Variants in ANKS1B observed in about 807,000 individuals in gnomAD.
The protein encoded by ANKS1B is ankyrin repeat and sterile alpha motif domain containing 1B, also known as ankyrin repeat and sterile alpha motif domain-containing protein 1B.
In ANKS1B, 36 loss-of-function variants were observed where a neutral mutation model predicts 148.3. That is an observed-to-expected ratio of 0.24 (90% CI 0.19 to 0.32). The LOEUF (loss-of-function observed/expected upper bound fraction) is 0.32. Among genes scored for constraint, ANKS1B ranks in the 10% least tolerant of loss-of-function variants. The pLI is 1.00. For synonymous variants in ANKS1B, 542 were observed against 560.8 expected (o/e 0.97, Z 0.47); for missense variants, 1,157 against 1,542.6 (o/e 0.75, Z 4.19).
At chr12:99,193,949 A>G (rs138504963) in intron 14 of ANKS1B, among the ~76,000 whole-genome samples, 2,226 of 151,530 alleles carry the variant, frequency 0.015, 65 homozygotes, top group African/African-American at 0.051. Flanking sequence ...CTATAGGCGC[A>G]TGCCCCCACA....
At chr12:99,558,745 A>G (rs1263212703) in intron 9 of ANKS1B, among the ~76,000 whole-genome samples, 5 of 152,180 alleles carry the variant, frequency 3.3e-5, no homozygotes, top group Admixed American at 1.3e-4. Context: ...GACCCATCAC[A>G]TGGGAAAGAC....
chr12:99,167,012 A>G (rs1377560268), intron 14 of ANKS1B, among the ~76,000 whole-genome samples: 2 of 152,104 alleles, frequency 1.3e-5, no homozygotes, highest in Admixed American at 6.5e-5. Context: ...TTCTGTAAAG[A>G]AAGGAGAGAC....
At chr12:99,887,765 C>T (rs551781279) in intron 1 of ANKS1B, among the ~76,000 whole-genome samples, 7 of 152,258 alleles carry the variant, frequency 4.6e-5, no homozygotes, top group African/African-American at 1.7e-4. Flanking sequence ...TTTCTCTTTT[C>T]CTCCTTTTTC....
intron 15 of ANKS1B, among the ~76,000 whole-genome samples, chr12:99,126,414 A>G (rs148849481): frequency 6.6e-6 from 1 of 152,304 alleles, no homozygotes; most frequent in Non-Finnish European, 1.5e-5. Context: ...CTTTAAGTCT[A>G]GTATTTCAAT....
rs576944403 is a variant in ANKS1B at position 99,730,052 on chromosome 12, C to T, written c.1128+42870G>A. Among the ~76,000 whole-genome samples the T allele has an allele frequency of 2.0e-5, 3 of 152,298 alleles. No homozygotes were observed. In the South Asian group the frequency reaches 6.2e-4, roughly 32 times the overall value. On this transcript the variant is annotated intron_variant, in intron 8 of 26. Coordinates refer to ENST00000683438, the MANE Select transcript of ANKS1B (RefSeq NM_001352186.2). The stretch of plus-strand genomic sequence containing the variant: ...GTCACTAGTATGACAGTGGTTTTGG[C>T]AGGACTCTTTTTGTCACTTTCTCTG...
chr12:98,878,435 C>T (rs2099697443), intron 17 of ANKS1B, among the ~76,000 whole-genome samples: 1 of 151,934 alleles, frequency 6.6e-6, no homozygotes, highest in Non-Finnish European at 1.5e-5. Flanking sequence ...CTGAAAAAGT[C>T]AATACGGGGT....
intron 12 of ANKS1B, among the ~76,000 whole-genome samples, chr12:99,276,740 C>G (rs2077725899): frequency 6.6e-6 from 1 of 152,168 alleles, no homozygotes; most frequent in South Asian, 2.1e-4. Flanking sequence ...ACGATGGAAT[C>G]AGACATTTAA....
At chr12:99,066,139 A>G (rs2044240046) in intron 16 of ANKS1B, among the ~76,000 whole-genome samples, 1 of 152,036 alleles carries the variant, frequency 6.6e-6, no homozygotes, top group Admixed American at 6.6e-5. Context: ...AACATGGTGA[A>G]ACTCTATCGC....
intron 9 of ANKS1B, among the ~76,000 whole-genome samples, chr12:99,519,530 T>C (rs1201221058): frequency 6.6e-6 from 1 of 152,174 alleles, no homozygotes; most frequent in Non-Finnish European, 1.5e-5. Flanking sequence ...TTGTCTGATA[T>C]AAATATAGCT....
At chr12:99,010,251 C>T (rs189801087) in intron 17 of ANKS1B, among the ~76,000 whole-genome samples, 27 of 152,294 alleles carry the variant, frequency 1.8e-4, no homozygotes, top group East Asian at 5.8e-4. Flanking sequence ...ATAATTTAAC[C>T]GCTCTGTGCT....
chr12:99,572,418 C>A (rs1244673673), intron 9 of ANKS1B, among the ~76,000 whole-genome samples: 1 of 152,034 alleles, frequency 6.6e-6, no homozygotes, highest in Non-Finnish European at 1.5e-5. Context: ...TTATGCCAGG[C>A]AGTCCAGTGG....
intron 10 of ANKS1B, among the ~76,000 whole-genome samples, chr12:99,454,608 C>T (rs752983903): frequency 3.9e-5 from 6 of 152,206 alleles, no homozygotes; most frequent in African/African-American, 7.2e-5. Context: ...TCCTCTTTCT[C>T]AACCCATGGC....
chr12:99,649,482 C>T, intron 9 of ANKS1B: 3 of 1,092,854 alleles, frequency 2.7e-6, no homozygotes, highest in Non-Finnish European at 4.1e-6. Context: ...GATGAAGGGG[C>T]AGGGTAGCAA....
chr12:99,867,216 C>T (rs827795), intron 1 of ANKS1B, among the ~76,000 whole-genome samples: 138,613 of 152,210 alleles, frequency 0.91, 63,307 homozygotes, highest in East Asian at 1. Context: ...TCCCTTCCCA[C>T]GGCACAAACA....
At chr12:99,684,784 C>T (rs1167101433) in intron 8 of ANKS1B, among the ~76,000 whole-genome samples, 2 of 151,670 alleles carry the variant, frequency 1.3e-5, no homozygotes, top group Non-Finnish European at 2.9e-5. Flanking sequence ...AAATACATGC[C>T]GGCTTGATCT....
intron 1 of ANKS1B, among the ~76,000 whole-genome samples, chr12:99,841,068 AC>A (rs2085662163): frequency 6.6e-6 from 1 of 152,140 alleles, no homozygotes; most frequent in Admixed American, 6.6e-5. Context: ...CCCTAACTGC[AC>A]CACCTTGGGA....
intron 1 of ANKS1B, among the ~76,000 whole-genome samples, chr12:99,939,929 G>T (rs777835193): frequency 9.2e-5 from 14 of 152,124 alleles, no homozygotes; most frequent in Non-Finnish European, 1.8e-4. Flanking sequence ...ACATTTAAGA[G>T]AAAGTTATTT....
At chr12:98,914,418 A>C (rs2099791218) in intron 17 of ANKS1B, among the ~76,000 whole-genome samples, 1 of 152,056 alleles carries the variant, frequency 6.6e-6, no homozygotes, top group Non-Finnish European at 1.5e-5. Flanking sequence ...AGTCTAACAC[A>C]CTTTCATATG....
intron 10 of ANKS1B, among the ~76,000 whole-genome samples, chr12:99,448,754 AAG>A (rs1277790077): frequency 2.0e-5 from 3 of 152,182 alleles, no homozygotes; most frequent in Middle Eastern, 3.4e-3. Flanking sequence ...TAGGGAGAGA[AAG>A]AGAGAAATCA....
Sources: allele counts gnomAD v4.1 joint callset (sites outside exome capture counted in the v4.1 genomes callset), GRCh38; gene constraint gnomAD v4.1.1; transcripts MANE v1.5; gene names NCBI Gene and HGNC (gene_info 2026-07-23, HGNC 2026-07-21).